PKD1L1: variants seen among roughly 807,000 people sequenced by gnomAD.
The protein encoded by PKD1L1 is polycystin 1 like 1, transient receptor potential channel interacting.
A neutral mutation model predicts 323.4 loss-of-function variants in PKD1L1; 236 were observed. That is an observed-to-expected ratio of 0.73 (90% CI 0.66 to 0.81). The LOEUF (loss-of-function observed/expected upper bound fraction) is 0.81. PKD1L1 is among the 40% of genes least tolerant of loss of function. The pLI, the probability that PKD1L1 is intolerant of heterozygous loss-of-function variation, is 0.00. For synonymous variants in PKD1L1, 1,344 were observed against 1,335.0 expected, an observed-to-expected ratio of 1.01 and a Z score of -0.15; for missense variants, 3,320 against 3,508.0, an observed-to-expected ratio of 0.95 and a Z score of 1.35.
chr7:47,890,619 C>T lies in PKD1L1; in HGVS notation c.2598G>A (p.Met866Ile). 6.2e-7 allele frequency: 1 copy of T among 1,614,164 alleles called. No individual in the cohort carries two copies. Among genetic ancestry groups the T allele is most frequent in the Non-Finnish European group, 8.5e-7 (1 of 1,180,036 alleles). The change falls in exon 16 of 57, where the codon ATG (methionine) becomes ATA (isoleucine). Residue 866 changes from methionine (M) to isoleucine (I), a missense_variant. Coordinates refer to ENST00000289672, the MANE Select transcript of PKD1L1 (RefSeq NM_138295.5). ...TCCGGCCACCACTGGAGACCCTCAGCATCACAAGGAACTGATCATAGCTGT... is the reference window on the plus strand; with the variant it reads ...TCCGGCCACCACTGGAGACCCTCAGTATCACAAGGAACTGATCATAGCTGT... Reference protein sequence around the residue: ...LSDSYDQFLVMLRVSSGGRNS... With the variant: ...LSDSYDQFLVILRVSSGGRNS...
intron 20 of PKD1L1, among the ~76,000 whole-genome samples, 164 bp downstream of exon 20, chr7:47,881,745 A>G (rs1371636903): frequency 6.6e-6 from 1 of 152,222 alleles, no homozygotes; most frequent in Non-Finnish European, 1.5e-5. Flanking sequence ...TTTTGTTAGA[A>G]GAGTCTCAGG....
chr7:47,832,849 G>A (rs187879059), intron 41 of PKD1L1, among the ~76,000 whole-genome samples: 1 of 152,382 alleles, frequency 6.6e-6, no homozygotes, highest in East Asian at 1.9e-4. Context: ...GGTTATGAGT[G>A]TATTATTGGC....
At chr7:47,875,566 T>C (rs961152141) in intron 23 of PKD1L1, among the ~76,000 whole-genome samples, 1 of 152,238 alleles carries the variant, frequency 6.6e-6, no homozygotes, top group African/African-American at 2.4e-5. Flanking sequence ...ATGTCTCTTA[T>C]GCTCAGTTGA....
intron 48 of PKD1L1, chr7:47,813,719 G>A (rs540233339): frequency 1.7e-5 from 11 of 634,404 alleles, no homozygotes; most frequent in Admixed American, 5.0e-5. Context: ...GCAGCAGAAC[G>A]TCAAGGAAGA....
At chr7:47,904,652 A>G in intron 11 of PKD1L1, 35 bp from the exon 12 acceptor site, 2 of 1,589,710 alleles carry the variant, frequency 1.3e-6, no homozygotes, top group Non-Finnish European at 1.7e-6. Context: ...GGGAAGGCAG[A>G]TGGCAAGACA....
Position 47,855,255 on chromosome 7 carries a change from A to T in PKD1L1, c.4601T>A (p.Val1534Asp), listed in dbSNP as rs1785872839. ...GSQAPGQIGGVVGLNLYTCSS... is the reference protein window; with the variant it reads ...GSQAPGQIGGDVGLNLYTCSS... ...GCAGGTATAGAGGTTGAGGCCCACA[A>T]CTCCACCAATCTTGGGGAACAAAGA... Residue 1534 changes from valine (V) to aspartate (D), a missense_variant, in exon 29 of 57, where the codon GTT (valine) becomes GAT (aspartate). By Grantham distance (152) the Val-to-Asp change is radical. Coordinates refer to ENST00000289672, the MANE Select transcript of PKD1L1 (RefSeq NM_138295.5). The T allele has an allele frequency of 4.3e-6, 7 of 1,612,188 alleles. No homozygotes were observed. The highest frequency in any genetic ancestry group is 5.9e-6 in the Non-Finnish European group (7 of 1,178,758).
chr7:47,937,097 G>A (rs1342290322), intron 3 of PKD1L1, 139 bp from the exon 4 acceptor site: 1 of 640,024 alleles, frequency 1.6e-6, no homozygotes, highest in Non-Finnish European at 2.7e-6. Flanking sequence ...CACCAGAGAA[G>A]CAACAGCGAG....
intron 8 of PKD1L1, among the ~76,000 whole-genome samples, chr7:47,912,990 G>C (rs1229234994): frequency 2.6e-5 from 4 of 152,038 alleles, no homozygotes; most frequent in Non-Finnish European, 5.9e-5. Context: ...GCCACCAGCT[G>C]AATTTCTGAT....
At chr7:47,818,772 T>C (rs1322850130) in intron 46 of PKD1L1, among the ~76,000 whole-genome samples, 2 of 152,248 alleles carry the variant, frequency 1.3e-5, no homozygotes, top group African/African-American at 2.4e-5. Flanking sequence ...ATAGAACGCT[T>C]GCTTCATTGA....
chr7:47,904,577 C>G lies in PKD1L1; in HGVS notation c.1732G>C (p.Val578Leu). The G allele has an allele frequency of 6.2e-7, 1 of 1,614,046 alleles. No homozygotes were observed. Among genetic ancestry groups the G allele is most frequent in the Non-Finnish European group, 8.5e-7 (1 of 1,179,970 alleles). The change falls in exon 12 of 57, where the codon GTG becomes CTG. Residue 578 changes from valine (V) to leucine (L), a missense_variant. Transcript: ENST00000289672. ...MVKASNRMSS[V>L]VSEPHVIRVQ... Reference sequence around the variant, plus strand: ...CTGATGACATGGGGCTCAGAGACCACACTGCTCATCCTGTTGGAAGCCTTA... The same window carrying G: ...CTGATGACATGGGGCTCAGAGACCAGACTGCTCATCCTGTTGGAAGCCTTA...
the PKD1L1 span, among the ~76,000 whole-genome samples, chr7:47,958,357 A>G: frequency 6.6e-6 from 1 of 152,242 alleles, no homozygotes; most frequent in African/African-American, 2.4e-5. Context: ...CAGTCTTTCA[A>G]TAAACGATGC....
chr7:47,834,369 T>G lies in PKD1L1; in HGVS notation c.6144A>C (p.Gly2048=), dbSNP rs755908731. Residue 2048 remains glycine, a synonymous_variant, in exon 40 of 57, where the codon GGA becomes GGC. Coordinates refer to ENST00000289672, the MANE Select transcript of PKD1L1 (RefSeq NM_138295.5). ...GTGGCTCCTGTGCGTCTGGTATCCT[T>G]CCCCAGGAATTAGGACCTGATTCAA... ...TEAPHGPNSW[G]RIPDAQEPRK... is the part of the protein sequence containing the mutation. The G allele has an allele frequency of 9.3e-6, 15 of 1,613,868 alleles. No homozygotes were observed. The highest frequency in any genetic ancestry group is 1.3e-5 in the Non-Finnish European group (15 of 1,179,902).
chr7:47,829,362 C>T (rs1413282686), intron 44 of PKD1L1, 63 bp downstream of exon 44: 4 of 1,444,254 alleles, frequency 2.8e-6, no homozygotes, highest in Non-Finnish European at 3.7e-6. Context: ...TTCAGATATG[C>T]ATGATAGAAT....
At chr7:47,912,815 C>CAAAAAAAAA (rs59792729) in intron 8 of PKD1L1, among the ~76,000 whole-genome samples, 3 of 63,632 alleles carry the variant, frequency 4.7e-5, no homozygotes, top group Admixed American at 2.1e-4. Flanking sequence ...GACTGTGTCT[C>CAAAAAAAAA]AAAAAAAAAA....
chr7:47,941,275 T>G lies in PKD1L1; in HGVS notation c.161-958A>C, dbSNP rs1787980455. ...GGCTCTCTTAACCCCAGTCTGTTAT[T>G]CTGGCCAGCTTTGCTCAGGCTAAAA... On this transcript the variant is annotated intron_variant, in intron 2 of 56. Coordinates refer to ENST00000289672, the MANE Select transcript of PKD1L1 (RefSeq NM_138295.5). Among the ~76,000 whole-genome samples the G allele has an allele frequency of 9.8e-5, 15 of 152,306 alleles. 1 individual carries two copies. The South Asian group carries it at 3.1e-3, about 32-fold the overall frequency.
chr7:47,813,090 G>C (rs778296239), intron 49 of PKD1L1, 31 bp downstream of exon 49: 1 of 1,594,762 alleles, frequency 6.3e-7, no homozygotes. Flanking sequence ...TGGCAGGCAG[G>C]ATGAGCCCCG....
intron 26 of PKD1L1, among the ~76,000 whole-genome samples, 193 bp from the exon 27 acceptor site, chr7:47,859,078 T>G (rs1785968422): frequency 6.6e-6 from 1 of 152,262 alleles, no homozygotes; most frequent in Admixed American, 6.5e-5. Flanking sequence ...ATGACTGAAC[T>G]ACGGGCTAAG....
chr7:47,926,334 G>C (rs537947335), intron 7 of PKD1L1, among the ~76,000 whole-genome samples: 182 of 152,264 alleles, frequency 1.2e-3, no homozygotes, highest in African/African-American at 4.3e-3. Flanking sequence ...GAAAATCTTT[G>C]TATCTACCTA....
chr7:47,800,031 A>G (rs1296266251), intron 54 of PKD1L1, among the ~76,000 whole-genome samples: 2 of 152,236 alleles, frequency 1.3e-5, no homozygotes, highest in East Asian at 1.9e-4. Context: ...AAACTTTTCC[A>G]TTGTTTACTG....
Sources: gnomAD v4.1 joint callset for allele counts (sites outside exome capture counted in the v4.1 genomes callset) on GRCh38, gnomAD v4.1.1 for gene constraint, MANE v1.5 for transcripts, NCBI Gene and HGNC (gene_info 2026-07-23, HGNC 2026-07-21) for gene names.